The following ZNF146 variants were observed in gnomAD, a reference collection of about 807,000 sequenced individuals.
The protein encoded by ZNF146 is zinc finger protein 146, also known as zinc finger protein OZF.
In ZNF146, 9 loss-of-function variants were observed where a neutral mutation model predicts 22.2. That is an observed-to-expected ratio of 0.41 (90% CI 0.24 to 0.71). The LOEUF is 0.71. Ranked by LOEUF, ZNF146 falls within the 30% of genes least tolerant of loss-of-function variation. The pLI is 0.34. For missense variants in ZNF146, 194 were observed against 344.8 expected (o/e 0.56, Z 3.46); for synonymous variants, 108 against 119.2 (o/e 0.91, Z 0.61).
chr19:36,231,094 C>T (rs984598921), intron 3 of ZNF146, among the ~76,000 whole-genome samples: 3 of 152,148 alleles, frequency 2.0e-5, no homozygotes, highest in African/African-American at 2.4e-5. Flanking sequence ...ATACGTGACA[C>T]GCGTAAACGT....
At chr19:36,229,365 T>C (rs889710882) in intron 3 of ZNF146, among the ~76,000 whole-genome samples, 8 of 152,178 alleles carry the variant, frequency 5.3e-5, no homozygotes, top group Non-Finnish European at 8.8e-5. Flanking sequence ...AATCAGTTTT[T>C]CCCTCTGCTA....
At chr19:36,214,762 C>G (rs556586316), upstream of ZNF146, 1 of 152,808 alleles carries the variant, frequency 6.5e-6, no homozygotes, top group Non-Finnish European at 1.5e-5. Flanking sequence ...GAATGGCGTT[C>G]TCTTATCTCT....
At chr19:36,215,629 T>C (rs1266015053) in intron 1 of ZNF146, among the ~76,000 whole-genome samples, 1 of 152,194 alleles carries the variant, frequency 6.6e-6, no homozygotes, top group African/African-American at 2.4e-5. Context: ...GCATTTCTTT[T>C]TAATTGGAGT....
Position 36,238,291 on chromosome 19 carries a change from A to G in ZNF146, c.*972A>G, listed in dbSNP as rs1268020798. On this transcript the variant is annotated 3_prime_UTR_variant, in exon 4 of 4. Coordinates refer to ENST00000443387, the MANE Select transcript of ZNF146 (RefSeq NM_007145.3). The stretch of plus-strand genomic sequence containing the variant: ...TTCCTCATAAAACTCAGTACTATCT[A>G]TTGGTAATGGATGCATATATGTATG... The G allele has an allele frequency of 6.0e-6, 1 of 167,144 alleles. No individual in the cohort carries two copies. Among genetic ancestry groups the G allele is most frequent in the Non-Finnish European group, 1.5e-5 (1 of 68,130 alleles). The allele number at this position is 167,144 out of a possible 1,614,324, so 10.4% of individuals were successfully genotyped here.
At chr19:36,221,844 AG>A (rs1295554016) in intron 2 of ZNF146, among the ~76,000 whole-genome samples, 1 of 151,784 alleles carries the variant, frequency 6.6e-6, no homozygotes, top group East Asian at 1.9e-4. Flanking sequence ...CTTACATAAA[AG>A]ATAGCATACC....
chr19:36,226,389 T>C (rs1023599644), intron 2 of ZNF146, among the ~76,000 whole-genome samples: 5 of 152,172 alleles, frequency 3.3e-5, no homozygotes, highest in Admixed American at 1.3e-4. Context: ...TCAACATACA[T>C]AGTGGATGGG....
In ZNF146 at chr19:36,236,879, G is replaced by T; in HGVS notation, c.439G>T (p.Glu147Ter). ...TGGCAAATCCAACCTTACTGAGCAT[G>T]AGAAAATCCATATTGGAGAGAAGCC... ...FSGKSNLTEH[E>*]KIHIGEKPFK... The change falls in exon 4 of 4, where the codon GAG (glutamate) becomes TAG (stop). Residue 147 changes from glutamate (E) to a stop codon, truncating the protein, a stop_gained. Coordinates refer to ENST00000443387, the MANE Select transcript of ZNF146 (RefSeq NM_007145.3). LOFTEE classifies it high-confidence loss of function. The T allele has an allele frequency of 6.2e-7, 1 of 1,614,110 alleles. No individual in the cohort carries two copies. The highest frequency in any genetic ancestry group is 1.1e-5 in the South Asian group (1 of 91,042).
At chr19:36,219,392 CTG>C (rs1976745727) in intron 2 of ZNF146, among the ~76,000 whole-genome samples, 1 of 152,032 alleles carries the variant, frequency 6.6e-6, no homozygotes, top group Non-Finnish European at 1.5e-5. Context: ...AGTTAGATTT[CTG>C]TGTTTGAGTT....
At chr19:36,233,299 GAA>G (rs1977474359) in intron 3 of ZNF146, among the ~76,000 whole-genome samples, 1 of 152,154 alleles carries the variant, frequency 6.6e-6, no homozygotes, top group African/African-American at 2.4e-5. Context: ...AGAATCACTT[GAA>G]GCCAGGAGGC....
At chr19:36,232,208 A>C (rs1977411070) in intron 3 of ZNF146, among the ~76,000 whole-genome samples, 2 of 152,182 alleles carry the variant, frequency 1.3e-5, no homozygotes, top group Admixed American at 6.5e-5. Context: ...AAAAAAAAAA[A>C]AAAACATACA....
Position 36,236,993 on chromosome 19 carries a change from G to T in ZNF146, c.553G>T (p.Glu185Ter). ...QNIHTGEKPY[E>*]CNECGKAFSQ... ...CATTCACACTGGAGAGAAACCCTAT[G>T]AATGTAACGAATGTGGAAAAGCCTT... Residue 185 changes from glutamate to a stop codon, truncating the protein, a stop_gained, in exon 4 of 4, where the codon GAA (glutamate) becomes TAA (stop). Coordinates refer to ENST00000443387, the MANE Select transcript of ZNF146 (RefSeq NM_007145.3). LOFTEE classifies it high-confidence loss of function. 1.2e-6 allele frequency: 2 copies of T among 1,614,194 alleles called. No homozygotes were observed. The highest frequency in any genetic ancestry group is 1.1e-5 in the South Asian group (1 of 91,072).
intron 2 of ZNF146, among the ~76,000 whole-genome samples, chr19:36,227,191 C>G (rs1159406946): frequency 1.3e-5 from 2 of 151,704 alleles, no homozygotes; most frequent in African/African-American, 4.8e-5. Flanking sequence ...GGGTTCAAGA[C>G]CAGCCTGGCC....
Position 36,237,470 on chromosome 19 carries a change from C to G in ZNF146, c.*151C>G. ...CTTAAGGGACACCAGAAAATTTGTA[C>G]TGAAGAGAAAGACATGCATATGATT... On this transcript the variant is annotated 3_prime_UTR_variant, in exon 4 of 4. Coordinates refer to ENST00000443387, the MANE Select transcript of ZNF146 (RefSeq NM_007145.3). 3.3e-6 allele frequency: 3 copies of G among 922,234 alleles called. No homozygotes were observed. The highest frequency in any genetic ancestry group is 3.2e-6 in the Non-Finnish European group (2 of 632,998). The allele number at this position is 922,234 out of a possible 1,614,324, so 57.1% of individuals were successfully genotyped here.
intron 2 of ZNF146, among the ~76,000 whole-genome samples, chr19:36,225,191 G>C (rs939947225): frequency 6.6e-6 from 1 of 152,174 alleles, no homozygotes; most frequent in African/African-American, 2.4e-5. Context: ...GTCAGTGGGA[G>C]TGTGAGCAGA....
chr19:36,224,591 C>G (rs977217488), intron 2 of ZNF146, among the ~76,000 whole-genome samples: 1 of 152,102 alleles, frequency 6.6e-6, no homozygotes, highest in African/African-American at 2.4e-5. Context: ...TATAGCTAGT[C>G]TCTTAATTGC....
intron 2 of ZNF146, among the ~76,000 whole-genome samples, chr19:36,221,578 G>A (rs1328133301): frequency 1.3e-5 from 2 of 152,126 alleles, no homozygotes; most frequent in African/African-American, 4.8e-5. Flanking sequence ...TTGAGCCACC[G>A]TGCCTGGCCA....
chr19:36,216,503 C>A (rs1306923683), intron 1 of ZNF146, among the ~76,000 whole-genome samples: 1 of 151,726 alleles, frequency 6.6e-6, no homozygotes, highest in East Asian at 1.9e-4. Context: ...TAAAAAAATA[C>A]AAAAATTAGC....
At position 36,238,726 on chromosome 19, in the gene ZNF146, A is replaced by G. The variant is rs1977739297; in HGVS notation, c.*1407A>G. On this transcript the variant is annotated 3_prime_UTR_variant, in exon 4 of 4. Coordinates refer to ENST00000443387, the MANE Select transcript of ZNF146 (RefSeq NM_007145.3). ...TGGATGGACTTGCTCTCTATGTAAT[A>G]TGAAATTAATCTATTTTATTAAAAT... is the stretch of plus-strand genomic sequence containing the variant. 1.2e-5 allele frequency: 2 copies of G among 167,108 alleles called. No homozygotes were observed. Among genetic ancestry groups the G allele is most frequent in the African/African-American group, 2.4e-5 (1 of 41,456 alleles). 10.4% of individuals were successfully genotyped at this position (167,108 alleles called of 1,614,324 possible). A position where few individuals can be genotyped will look rare whatever the true frequency, so the allele number is the denominator to read the frequency against.
At chr19:36,233,333 T>A (rs980592975) in intron 3 of ZNF146, among the ~76,000 whole-genome samples, 2 of 152,076 alleles carry the variant, frequency 1.3e-5, no homozygotes, top group African/African-American at 4.8e-5. Flanking sequence ...TGAGTCGAGA[T>A]CGCACCACTG....
Sources: allele counts gnomAD v4.1 joint callset (sites outside exome capture counted in the v4.1 genomes callset), GRCh38; gene constraint gnomAD v4.1.1; transcripts MANE v1.5; gene names NCBI Gene and HGNC (gene_info 2026-07-23, HGNC 2026-07-21).